Variants in PLAAT3 observed in about 807,000 individuals in gnomAD.
The protein encoded by PLAAT3 is Ca-independent phospholipase A1/2.
A neutral mutation model predicts 16.7 loss-of-function variants in PLAAT3; 21 were observed. The ratio of observed to expected loss-of-function variants is 1.26; its 90% CI spans 0.89 to 1.81. The LOEUF (loss-of-function observed/expected upper bound fraction) is 1.81, where lower values mean the gene tolerates loss of function less well. PLAAT3 is among the 40% of genes most tolerant of loss of function. The pLI is 0.00. For missense variants in PLAAT3, 219 were observed against 213.7 expected, an observed-to-expected ratio of 1.02 and a Z score of -0.16; for synonymous variants, 76 against 81.7, an observed-to-expected ratio of 0.93 and a Z score of 0.38.
chr11:63,600,572 A>AT (rs1938398598), intron 2 of PLAAT3, among the ~76,000 whole-genome samples: 2 of 140,918 alleles, frequency 1.4e-5, no homozygotes, highest in Non-Finnish European at 3.0e-5. Context: ...CTACATCTTC[A>AT]TGGTTTTTTT....
At position 63,584,009 on chromosome 11, in the gene PLAAT3, A is replaced by C. The variant is rs189350568; in HGVS notation, c.387+6091T>G. ...AGTAGTGTTATTCTGAAAGCAATCC[A>C]ATTGAGACTGTTAGAGGTTACAATA... is the stretch of plus-strand genomic sequence containing the variant. On this transcript the variant is annotated intron_variant, in intron 4 of 4. Coordinates refer to ENST00000415826, the MANE Select transcript of PLAAT3 (RefSeq NM_001128203.2). Among the ~76,000 whole-genome samples, 27 of 152,342 alleles carry C rather than the reference A, an allele frequency of 1.8e-4. No homozygotes were observed. The East Asian group carries it at 4.8e-3, about 27-fold the overall frequency.
intron 4 of PLAAT3, among the ~76,000 whole-genome samples, chr11:63,578,852 G>T (rs10897436): frequency 2.5e-4 from 38 of 149,370 alleles, no homozygotes; most frequent in African/African-American, 9.1e-4. Flanking sequence ...CAATGGCAAC[G>T]AAAGCCAAAA....
intron 3 of PLAAT3, among the ~76,000 whole-genome samples, chr11:63,595,290 CGGAAAAA>C (rs1352706578): frequency 4.0e-5 from 3 of 75,778 alleles, no homozygotes; most frequent in East Asian, 4.4e-4. Context: ...GACTCCGTCT[CGGAAAAA>C]AAAAAAAAAA....
intron 4 of PLAAT3, among the ~76,000 whole-genome samples, chr11:63,583,798 GT>G (rs138430494): frequency 8.7e-5 from 13 of 149,306 alleles, no homozygotes; most frequent in South Asian, 2.1e-4. Flanking sequence ...TAAGAAGACT[GT>G]TTTTTTTTTA....
intron 4 of PLAAT3, among the ~76,000 whole-genome samples, chr11:63,583,410 C>G (rs1937878626): frequency 6.6e-6 from 1 of 152,174 alleles, no homozygotes; most frequent in African/African-American, 2.4e-5. Flanking sequence ...CTTTATAGAA[C>G]CTCATGGTGT....
chr11:63,615,378 G>GTA (rs554563553), upstream of PLAAT3, among the ~76,000 whole-genome samples: 2 of 88,174 alleles, frequency 2.3e-5, 1 homozygote, highest in African/African-American at 7.4e-5. Flanking sequence ...ATATATGTGT[G>GTA]TATATATATG....
intron 4 of PLAAT3, among the ~76,000 whole-genome samples, chr11:63,586,729 A>C (rs1937988764): frequency 6.6e-6 from 1 of 152,118 alleles, no homozygotes; most frequent in African/African-American, 2.4e-5. Context: ...GCTAATTCAA[A>C]AAAAAAAAAC....
intron 1 of PLAAT3, 78 bp from the exon 2 acceptor site, chr11:63,614,146 T>A: frequency 7.8e-7 from 1 of 1,286,756 alleles, no homozygotes; most frequent in Non-Finnish European, 1.1e-6. Context: ...GCGGCTTCTG[T>A]TGGGCAGGGC....
In PLAAT3 at chr11:63,606,300, T is replaced by A. The variant is rs147703712; in HGVS notation, c.15+7700A>T. Reference sequence around the variant, plus strand: ...ACAAAAGGTTTTTAAAAAAATACCTTAGTAGGCCGGCGCGGTGGCTCACGC... The same window carrying A: ...ACAAAAGGTTTTTAAAAAAATACCTAAGTAGGCCGGCGCGGTGGCTCACGC... On this transcript the variant is annotated intron_variant, in intron 2 of 4. Transcript: ENST00000415826. 2.7e-3 allele frequency among the ~76,000 whole-genome samples: 408 copies of A among 152,134 alleles called. 4 individuals are homozygous for A. Among genetic ancestry groups the A allele is most frequent in the African/African-American group, 9.6e-3 (400 of 41,518 alleles).
At chr11:63,577,774 G>A (rs1018495718) in intron 4 of PLAAT3, among the ~76,000 whole-genome samples, 24 of 151,766 alleles carry the variant, frequency 1.6e-4, no homozygotes, top group African/African-American at 5.6e-4. Context: ...TATCACTGGA[G>A]AATAAGACAG....
At position 63,603,703 on chromosome 11, in the gene PLAAT3, TACACACACACACACACACACACACACAC is replaced by T. The variant is rs67821162; in HGVS notation, c.16-5568_16-5541del. 2.9e-4 allele frequency among the ~76,000 whole-genome samples: 34 copies of T among 117,096 alleles called. 1 individual carries two copies. The South Asian group carries it at 5.3e-3, about 18-fold the overall frequency. 76.8% of individuals were successfully genotyped at this position (117,096 alleles called of 152,430 possible). ...AAAGGGCTAGTTAAGTAAATTATCC[TACACACACACACACACACACACACACAC>T]ACACACACACACACACACACACAGA... On this transcript the variant is annotated intron_variant, in intron 2 of 4. Transcript: ENST00000415826.
intron 4 of PLAAT3, among the ~76,000 whole-genome samples, chr11:63,575,860 G>A (rs1320815926): frequency 6.6e-6 from 1 of 152,108 alleles, no homozygotes; most frequent in African/African-American, 2.4e-5. Context: ...GGTACCTCTG[G>A]AAGTGGGAAA....
intron 2 of PLAAT3, among the ~76,000 whole-genome samples, chr11:63,609,496 G>A (rs919896905): frequency 9.2e-5 from 14 of 152,186 alleles, no homozygotes; most frequent in African/African-American, 7.2e-5. Flanking sequence ...CATCTGGCAG[G>A]GTTTGTGTAA....
intron 2 of PLAAT3, among the ~76,000 whole-genome samples, chr11:63,605,223 C>T (rs1466481137): frequency 6.6e-6 from 1 of 151,918 alleles, no homozygotes; most frequent in African/African-American, 2.4e-5. Flanking sequence ...GGTGAAACTC[C>T]ATCTCTATTA....
upstream of PLAAT3, among the ~76,000 whole-genome samples, chr11:63,615,172 G>A (rs376320032): frequency 0.052 from 937 of 18,150 alleles, 97 homozygotes; most frequent in African/African-American, 0.085. Flanking sequence ...ATATATGTGT[G>A]TATATGTGTG....
At chr11:63,576,547 C>A (rs76200331) in intron 4 of PLAAT3, among the ~76,000 whole-genome samples, 1 of 152,168 alleles carries the variant, frequency 6.6e-6, no homozygotes, top group Non-Finnish European at 1.5e-5. Context: ...CACTTGAACC[C>A]GGGAAGTGGA....
chr11:63,574,686 A>T lies in PLAAT3; in HGVS notation c.*259T>A, dbSNP rs1184746359. On this transcript the variant is annotated 3_prime_UTR_variant, in exon 5 of 5. Coordinates refer to ENST00000415826, the MANE Select transcript of PLAAT3 (RefSeq NM_001128203.2). The stretch of plus-strand genomic sequence containing the variant: ...GACTCTGCCTCCTGCAATGCAAAGA[A>T]CACAGCACGCAAAAAGAAAGTGAAA... 6.4e-6 allele frequency: 3 copies of T among 471,442 alleles called. No homozygotes were observed. Among genetic ancestry groups the T allele is most frequent in the African/African-American group, 5.9e-5 (3 of 50,434 alleles). The allele number at this position is 471,442 out of a possible 1,614,324, so 29.2% of individuals were successfully genotyped here.
intron 4 of PLAAT3, among the ~76,000 whole-genome samples, chr11:63,576,390 G>A (rs985414664): frequency 1.3e-5 from 2 of 152,170 alleles, no homozygotes; most frequent in South Asian, 2.1e-4. Context: ...TTGGGAGGCC[G>A]AGGCAGGTGG....
At chr11:63,605,385 C>CGAGA (rs1007550779) in intron 2 of PLAAT3, among the ~76,000 whole-genome samples, 1 of 151,838 alleles carries the variant, frequency 6.6e-6, no homozygotes, top group African/African-American at 2.4e-5. Context: ...GCGACAAGAG[C>CGAGA]GAGACTGTCT....
Sources: allele counts gnomAD v4.1 joint callset (sites outside exome capture counted in the v4.1 genomes callset), GRCh38; gene constraint gnomAD v4.1.1; transcripts MANE v1.5; gene names NCBI Gene and HGNC (gene_info 2026-07-23, HGNC 2026-07-21).